Variants in HOXB6 observed in about 807,000 individuals in gnomAD.
The protein encoded by HOXB6 is homeobox B6, also known as homeobox protein Hox-B6.
Under a neutral mutation model 24.2 loss-of-function variants are expected in HOXB6, and 18 were observed. The observed-to-expected ratio is 0.74, with a 90% CI of 0.51 to 1.10. The LOEUF (loss-of-function observed/expected upper bound fraction) is 1.10, where lower values mean the gene tolerates loss of function less well. Among genes scored for constraint, HOXB6 ranks in the 50% least tolerant of loss-of-function variants. The pLI, the probability that HOXB6 is intolerant of heterozygous loss-of-function variation, is 0.00. For synonymous variants in HOXB6, 159 were observed against 139.1 expected, an observed-to-expected ratio of 1.14 and a Z score of -1.01; for missense variants, 332 against 308.3, an observed-to-expected ratio of 1.08 and a Z score of -0.58.
In HOXB6 at chr17:48,596,989, T is replaced by G; in HGVS notation, c.416-317A>C. 1.2e-5 allele frequency: 15 copies of G among 1,237,516 alleles called. No individual in the cohort carries two copies. The highest frequency in any genetic ancestry group is 8.4e-5 in the East Asian group (2 of 23,684). The allele number at this position is 1,237,516 out of a possible 1,614,324, so 76.7% of individuals were successfully genotyped here. A position where few individuals can be genotyped will look rare whatever the true frequency, so the allele number is the denominator to read the frequency against. On this transcript the variant is annotated intron_variant, in intron 3 of 3. Coordinates refer to ENST00000225648, the MANE Select transcript of HOXB6 (RefSeq NM_018952.5). The surrounding 1 kb of genome is among the most constrained non-coding windows in gnomAD (Gnocchi z 4.8). ...TTTCCCTCCCTTTCCATCCATCTTG[T>G]TCCCACCCCCCGTCATCCCCCCAAC...
At chr17:48,604,009 T>A (rs2070527374) in intron 2 of HOXB6, 1 of 152,766 alleles carries the variant, frequency 6.5e-6, no homozygotes, top group African/African-American at 2.4e-5. Context: ...CCGCCTCACA[T>A]GCCAGTGCTG....
rs1250470161 is a variant in HOXB6 at position 48,596,040 on chromosome 17, C to T, written c.*373G>A. ...CCCCGCTGAGGGGACAGCGAATCTA[C>T]CATTGAACCGTGCACGGGGGACATG... On this transcript the variant is annotated 3_prime_UTR_variant, in exon 4 of 4. Transcript: ENST00000225648. This position sits in a 1 kb window ranked among gnomAD's most constrained non-coding sequence, Gnocchi z 4.8. 2.1e-6 allele frequency: 1 copy of T among 477,252 alleles called. No homozygotes were observed. The highest frequency in any genetic ancestry group is 6.4e-5 in the East Asian group (1 of 15,670). The allele number at this position is 477,252 out of a possible 1,614,324, so 29.6% of individuals were successfully genotyped here. A position where few individuals can be genotyped will look rare whatever the true frequency, so the allele number is the denominator to read the frequency against.
At position 48,598,029 on chromosome 17, in the gene HOXB6, G is replaced by T. The variant is rs746806618; in HGVS notation, c.122C>A (p.Ala41Glu). ...CTGGCCCGGCCCTGGCCCGTAGGGC[G>T]CGGGGTAATGTCTCAGCGGGTCCGC... ...GYADPLRHYP[A>E]PYGPGPGQDK... Residue 41 changes from alanine (A) to glutamate (E), a missense_variant, in exon 3 of 4, where the codon GCG becomes GAG. By Grantham distance (107) the Ala-to-Glu change is moderately radical. Coordinates refer to ENST00000225648, the MANE Select transcript of HOXB6 (RefSeq NM_018952.5). 8 of 1,599,108 alleles carry T rather than the reference G, an allele frequency of 5.0e-6. No homozygotes were observed. The East Asian group carries it at 1.8e-4, about 36-fold the overall frequency.
At chr17:48,603,384 G>A (rs988375316) in intron 2 of HOXB6, among the ~76,000 whole-genome samples, 1 of 152,172 alleles carries the variant, frequency 6.6e-6, no homozygotes, top group Non-Finnish European at 1.5e-5. Flanking sequence ...GCCTGACTGA[G>A]GGATAAAATT....
chr17:48,596,337 C>A lies in HOXB6; in HGVS notation c.*76G>T. The A allele has an allele frequency of 1.2e-6, 2 of 1,606,308 alleles. No homozygotes were observed. The highest frequency in any genetic ancestry group is 1.7e-6 in the Non-Finnish European group (2 of 1,173,520). Reference sequence around the variant, plus strand: ...CCTGGCTCCCCCACCCGAGAGCCTTCCTTCCCGGGTCTCTCTGACGCCCTC... The same window carrying A: ...CCTGGCTCCCCCACCCGAGAGCCTTACTTCCCGGGTCTCTCTGACGCCCTC... On this transcript the variant is annotated 3_prime_UTR_variant, in exon 4 of 4. Coordinates refer to ENST00000225648, the MANE Select transcript of HOXB6 (RefSeq NM_018952.5). The surrounding 1 kb of genome is among the most constrained non-coding windows in gnomAD (Gnocchi z 4.8).
In HOXB6 at chr17:48,596,726, C is replaced by G; in HGVS notation, c.416-54G>C. The G allele has an allele frequency of 6.2e-7, 1 of 1,601,758 alleles. No individual in the cohort carries two copies. The highest frequency in any genetic ancestry group is 8.5e-7 in the Non-Finnish European group (1 of 1,179,348). On this transcript the variant is annotated intron_variant, in intron 3 of 3. Coordinates refer to ENST00000225648, the MANE Select transcript of HOXB6 (RefSeq NM_018952.5). The surrounding 1 kb of genome is among the most constrained non-coding windows in gnomAD (Gnocchi z 4.8). ...CTGCGGTCACCGGGCCCAGGACCCC[C>G]TCCCCTAGTCGACCCTCGAACACAG...
In HOXB6 at chr17:48,596,294, G is replaced by GCT; in HGVS notation, c.*118_*119insAG. The GCT allele has an allele frequency of 2.0e-6, 3 of 1,495,276 alleles. No homozygotes were observed. The South Asian group carries it at 3.4e-5, about 17-fold the overall frequency. The allele number at this position is 1,495,276 out of a possible 1,614,324, so 92.6% of individuals were successfully genotyped here. A position where few individuals can be genotyped will look rare whatever the true frequency, so the allele number is the denominator to read the frequency against. On this transcript the variant is annotated 3_prime_UTR_variant, in exon 4 of 4. Transcript: ENST00000225648. This position sits in a 1 kb window ranked among gnomAD's most constrained non-coding sequence, Gnocchi z 4.8. ...GGAGAGCGCTGGGCCCCGCCTGTCTGCGCCGGAGAGCAGGTCTCCTGGCTC... is the reference window on the plus strand; with the variant it reads ...GGAGAGCGCTGGGCCCCGCCTGTCTGCTCGCCGGAGAGCAGGTCTCCTGGCTC...
chr17:48,600,566 G>T (rs569320280), intron 2 of HOXB6: 1 of 454,758 alleles, frequency 2.2e-6, no homozygotes, highest in African/African-American at 2.0e-5. Context: ...GCGTTTATTC[G>T]TCTGATCCGT....
At chr17:48,601,990 C>T (rs2144978384) in intron 2 of HOXB6, 1 of 416,982 alleles carries the variant, frequency 2.4e-6, no homozygotes, top group East Asian at 7.0e-5. Context: ...GTGGAGGGTC[C>T]AACAGGAACG....
At chr17:48,600,510 A>C (rs971922881) in intron 2 of HOXB6, 5 of 455,758 alleles carry the variant, frequency 1.1e-5, no homozygotes, top group African/African-American at 1.0e-4. Context: ...GGCATGAAAG[A>C]AAATAGCGCC....
At chr17:48,604,725 C>T (rs1436382460) in intron 1 of HOXB6, 110 bp from the exon 2 acceptor site, 1 of 152,172 alleles carries the variant, frequency 6.6e-6, no homozygotes, top group Non-Finnish European at 1.5e-5. Context: ...GTCCATTTAC[C>T]CTCCATGGTG....
chr17:48,600,014 A>G (rs775610085), intron 2 of HOXB6, among the ~76,000 whole-genome samples: 23 of 152,218 alleles, frequency 1.5e-4, no homozygotes, highest in Non-Finnish European at 2.8e-4. Context: ...CTGTACCTTA[A>G]TGGCAAAATA....
chr17:48,597,195 T>C (rs993593825), intron 3 of HOXB6: 47 of 520,954 alleles, frequency 9.0e-5, no homozygotes, highest in African/African-American at 8.9e-4. Context: ...TCCCTCTCTC[T>C]TCCTTCCCCT....
At chr17:48,604,645 A>C (rs146008214) in intron 1 of HOXB6, 30 bp from the exon 2 acceptor site, 3 of 152,490 alleles carry the variant, frequency 2.0e-5, no homozygotes, top group African/African-American at 7.2e-5. Context: ...CATTTTTCTG[A>C]CATTTGCATA....
intron 2 of HOXB6, 37 bp from the exon 3 acceptor site, chr17:48,598,265 G>A: frequency 2.6e-6 from 3 of 1,135,608 alleles, no homozygotes; most frequent in Non-Finnish European, 3.6e-6. Flanking sequence ...TTTTAGCTGA[G>A]GGGGGATGGC....
chr17:48,604,413 A>C (rs992390872), intron 2 of HOXB6, 67 bp downstream of exon 2: 10 of 152,164 alleles, frequency 6.6e-5, no homozygotes. Flanking sequence ...AGAAAAACCC[A>C]AGCCCCACCC....
rs1382833661 is a variant in HOXB6 at position 48,597,968 on chromosome 17, C to G, written c.183G>C (p.Pro61=). 1 of 1,581,896 alleles carries G rather than the reference C, an allele frequency of 6.3e-7. No homozygotes were observed. Among genetic ancestry groups the G allele is most frequent in the South Asian group, 1.1e-5 (1 of 87,394 alleles). The change falls in exon 3 of 4, where the codon CCG becomes CCC. Residue 61 remains proline, a synonymous_variant. Coordinates refer to ENST00000225648, the MANE Select transcript of HOXB6 (RefSeq NM_018952.5). The stretch of plus-strand genomic sequence containing the variant: ...CCGCTCGGCCGTAGCCACCGCCCGC[C>G]GGCGGGTAATAGGAGGAAGTGGCAA... ...KGFATSSYYP[P]AGGGYGRAAP...
At position 48,595,870 on chromosome 17, in the gene HOXB6, C is replaced by T. The variant is rs2070270035; in HGVS notation, c.*543G>A. The T allele has an allele frequency of 6.5e-6, 2 of 307,706 alleles. No homozygotes were observed. The highest frequency in any genetic ancestry group is 1.3e-5 in the Non-Finnish European group (2 of 155,806). 19.1% of individuals were successfully genotyped at this position (307,706 alleles called of 1,614,324 possible). On this transcript the variant is annotated 3_prime_UTR_variant, in exon 4 of 4. Transcript: ENST00000225648. ...TCCAGAGCTAAGACAAGACTACAAACACAACACATAGAAAATTAATAAAAT... is the reference window on the plus strand; with the variant it reads ...TCCAGAGCTAAGACAAGACTACAAATACAACACATAGAAAATTAATAAAAT...
In HOXB6 at chr17:48,596,977, C is replaced by A; in HGVS notation, c.416-305G>T. ...TTGCATCTTGTCTTTCCCTCCCTTT[C>A]CATCCATCTTGTTCCCACCCCCCGT... On this transcript the variant is annotated intron_variant, in intron 3 of 3. Coordinates refer to ENST00000225648, the MANE Select transcript of HOXB6 (RefSeq NM_018952.5). This position sits in a 1 kb window ranked among gnomAD's most constrained non-coding sequence, Gnocchi z 4.8. 1 of 1,293,292 alleles carries A rather than the reference C, an allele frequency of 7.7e-7. No individual in the cohort carries two copies. The highest frequency in any genetic ancestry group is 1.6e-5 in the South Asian group (1 of 63,760). 80.1% of individuals were successfully genotyped at this position (1,293,292 alleles called of 1,614,324 possible).
Sources: allele counts gnomAD v4.1 joint callset (sites outside exome capture counted in the v4.1 genomes callset), GRCh38; gene constraint gnomAD v4.1.1; non-coding constraint Gnocchi (gnomAD v3.1); transcripts MANE v1.5; gene names NCBI Gene and HGNC (gene_info 2026-07-23, HGNC 2026-07-21).